DLGAP1: variants seen among roughly 807,000 people sequenced by gnomAD.
DLGAP1 encodes DLG associated protein 1, also known as disks large-associated protein 1.
Under a neutral mutation model 90.8 loss-of-function variants are expected in DLGAP1, and 11 were observed. The observed-to-expected ratio is 0.12, with a 90% CI of 0.08 to 0.20. The LOEUF is 0.20. Among genes scored for constraint, DLGAP1 ranks in the 10% least tolerant of loss-of-function variants. The pLI is 1.00. For missense variants in DLGAP1, 1,050 were observed against 1,333.8 expected, an observed-to-expected ratio of 0.79 and a Z score of 3.31; for synonymous variants, 558 against 540.7, an observed-to-expected ratio of 1.03 and a Z score of -0.44.
In DLGAP1 at chr18:3,652,163, CAAAA is replaced by C. The variant is rs756445206; in HGVS notation, c.1592-69919_1592-69916del. On this transcript the variant is annotated intron_variant, in intron 7 of 12. Transcript: ENST00000315677. ...TGGGCGACAGAGCGAGACTCTGTAT[CAAAA>C]AAAAAAAAAAAAAGAAAAGAAAGAA... Among the ~76,000 whole-genome samples, 4 of 93,420 alleles carry C rather than the reference CAAAA, an allele frequency of 4.3e-5. 1 individual carries two copies. The highest frequency in any genetic ancestry group is 1.3e-4 in the African/African-American group (4 of 29,836). The allele number at this position is 93,420 out of a possible 152,430, so 61.3% of individuals were successfully genotyped here.
chr18:3,639,956 G>C (rs1567880863), intron 7 of DLGAP1, among the ~76,000 whole-genome samples: 1 of 150,848 alleles, frequency 6.6e-6, no homozygotes, highest in Non-Finnish European at 1.5e-5. Flanking sequence ...GGGTTTCACC[G>C]TGTTAGCCAG....
intron 3 of DLGAP1, among the ~76,000 whole-genome samples, chr18:3,890,196 T>G (rs1320789450): frequency 3.3e-5 from 5 of 152,240 alleles, no homozygotes; most frequent in Non-Finnish European, 7.3e-5. Context: ...ATTGGCTAAG[T>G]TATCCTCATA....
In DLGAP1 at chr18:3,499,160, C is replaced by A. The variant is rs1339463998; in HGVS notation, c.*25G>T. On this transcript the variant is annotated 3_prime_UTR_variant, in exon 13 of 13. Coordinates refer to ENST00000315677, the MANE Select transcript of DLGAP1 (RefSeq NM_004746.4). The surrounding 1 kb of genome is among the most constrained non-coding windows in gnomAD (Gnocchi z 6.4). ...GGGGGAGGAGGGGACAGATGCTTGG[C>A]GGCGGCGGCCGGGCTGCGGGGCGCT... The A allele has an allele frequency of 2.0e-6, 3 of 1,520,544 alleles. No individual in the cohort carries two copies. The highest frequency in any genetic ancestry group is 5.1e-5 in the East Asian group (2 of 39,524). The allele number at this position is 1,520,544 out of a possible 1,614,324, so 94.2% of individuals were successfully genotyped here. A position where few individuals can be genotyped will look rare whatever the true frequency, so the allele number is the denominator to read the frequency against.
chr18:3,574,683 A>G (rs1398144244), intron 8 of DLGAP1, among the ~76,000 whole-genome samples: 3 of 152,220 alleles, frequency 2.0e-5, no homozygotes, highest in African/African-American at 4.8e-5. Context: ...GAGGACATCA[A>G]AATAAAGTCT....
rs2145096107 is a variant in DLGAP1 at position 3,565,732 on chromosome 18, G to A, written c.2057+1758C>T. ...TGCCTGTAGTCCCAGCCACTCGGGA[G>A]GCTGAGTCAGGAGAACCGCTTGAAC... is the stretch of plus-strand genomic sequence containing the variant. On this transcript the variant is annotated intron_variant, in intron 9 of 12. Transcript: ENST00000315677. This position sits in a 1 kb window ranked among gnomAD's most constrained non-coding sequence, Gnocchi z 4.0. Among the ~76,000 whole-genome samples the A allele has an allele frequency of 6.6e-6, 1 of 152,096 alleles. No homozygotes were observed. The highest frequency in any genetic ancestry group is 2.4e-5 in the African/African-American group (1 of 41,522).
chr18:3,911,460 A>T (rs758642871), intron 3 of DLGAP1, among the ~76,000 whole-genome samples: 6 of 152,208 alleles, frequency 3.9e-5, no homozygotes, highest in Admixed American at 6.5e-5. Flanking sequence ...TTATATGATT[A>T]TCAGGAGAAA....
intron 2 of DLGAP1, among the ~76,000 whole-genome samples, chr18:4,012,633 A>T (rs1403635265): frequency 6.6e-6 from 1 of 152,080 alleles, no homozygotes. Context: ...GGGTCCTTTA[A>T]ACTGGTCTAT....
rs190692719 is a variant in DLGAP1, at chr18:4,148,693, C to T, written c.-159+2487G>A. On this transcript the variant is annotated intron_variant, in intron 2 of 12. Transcript: ENST00000315677. ...TTCCTGGTTTCCCTGCACTACCATT[C>T]TCTGCTGCCCTTTCTCCTGTCCCCT... 3.9e-5 allele frequency among the ~76,000 whole-genome samples: 6 copies of T among 152,320 alleles called. No individual in the cohort carries two copies. In the East Asian group the frequency reaches 9.7e-4, roughly 25 times the overall value.
At chr18:3,949,753 T>G (rs2072947991) in intron 3 of DLGAP1, among the ~76,000 whole-genome samples, 2 of 152,186 alleles carry the variant, frequency 1.3e-5, no homozygotes, top group Non-Finnish European at 2.9e-5. Flanking sequence ...AAGCTTATAT[T>G]TTGTTCTAAA....
intron 3 of DLGAP1, among the ~76,000 whole-genome samples, chr18:3,905,387 A>AG (rs1430268750): frequency 6.7e-6 from 1 of 149,792 alleles, no homozygotes; most frequent in African/African-American, 2.4e-5. Context: ...AAAAAAAAAA[A>AG]AAAAAGAAAA....
chr18:3,882,249 G>A (rs1026585810), intron 3 of DLGAP1, among the ~76,000 whole-genome samples: 2 of 151,656 alleles, frequency 1.3e-5, no homozygotes, highest in African/African-American at 2.4e-5. Flanking sequence ...GAGTATTTAC[G>A]CACAAGACCA....
intron 10 of DLGAP1, among the ~76,000 whole-genome samples, chr18:3,527,414 T>TTTTTG (rs2051706942): frequency 6.9e-6 from 1 of 145,932 alleles, no homozygotes; most frequent in Non-Finnish European, 1.5e-5. Flanking sequence ...TCCAAACTTT[T>TTTTTG]TTTTTTTTTT....
chr18:4,054,418 G>C (rs568601369), intron 2 of DLGAP1, among the ~76,000 whole-genome samples: 2 of 152,252 alleles, frequency 1.3e-5, no homozygotes, highest in South Asian at 4.1e-4. Context: ...AAGAATCATT[G>C]TTCTGCATGG....
chr18:4,205,193 G>A (rs184951355), intron 1 of DLGAP1, among the ~76,000 whole-genome samples: 1 of 152,272 alleles, frequency 6.6e-6, no homozygotes, highest in Non-Finnish European at 1.5e-5. Context: ...TTCAGGATTT[G>A]TAGATGTTCT....
chr18:4,137,617 T>C (rs929402878), intron 2 of DLGAP1, among the ~76,000 whole-genome samples: 2 of 152,220 alleles, frequency 1.3e-5, no homozygotes, highest in Non-Finnish European at 2.9e-5. Flanking sequence ...CTGGGTCTTT[T>C]GTGATTTCAT....
At chr18:3,908,697 A>T (rs960530312) in intron 3 of DLGAP1, among the ~76,000 whole-genome samples, 2 of 152,216 alleles carry the variant, frequency 1.3e-5, no homozygotes, top group Non-Finnish European at 2.9e-5. Context: ...TTTTCTCCAT[A>T]AGAAAACATC....
intron 1 of DLGAP1, among the ~76,000 whole-genome samples, chr18:4,329,872 G>C (rs988900555): frequency 6.6e-6 from 1 of 151,878 alleles, no homozygotes; most frequent in Admixed American, 6.6e-5. Context: ...TTGGTAGCAG[G>C]ATATTGCAGA....
chr18:3,846,278 C>T (rs2069009001), intron 4 of DLGAP1, among the ~76,000 whole-genome samples: 1 of 152,154 alleles, frequency 6.6e-6, no homozygotes, highest in South Asian at 2.1e-4. Context: ...TACACCTTTC[C>T]TTTCTTCGTC....
intron 7 of DLGAP1, among the ~76,000 whole-genome samples, chr18:3,642,863 G>A (rs2058987720): frequency 6.6e-6 from 1 of 152,212 alleles, no homozygotes; most frequent in African/African-American, 2.4e-5. Flanking sequence ...AAAAGGTACA[G>A]CCCCTTGGGA....
Sources: allele counts gnomAD v4.1 joint callset (sites outside exome capture counted in the v4.1 genomes callset), GRCh38; gene constraint gnomAD v4.1.1; non-coding constraint Gnocchi (gnomAD v3.1); transcripts MANE v1.5; gene names NCBI Gene and HGNC (gene_info 2026-07-23, HGNC 2026-07-21).